The following PCYT1B variants were observed in gnomAD, a reference collection of about 807,000 sequenced individuals.
The protein encoded by PCYT1B is phosphate cytidylyltransferase 1B, choline, also known as choline-phosphate cytidylyltransferase B.
Under a neutral mutation model 26.4 loss-of-function variants are expected in PCYT1B, and 10 were observed. The observed-to-expected ratio is 0.38, with a 90% confidence interval of 0.23 to 0.64. PCYT1B has a LOEUF of 0.64. Ranked by LOEUF, PCYT1B falls within the 30% of genes least tolerant of loss-of-function variation. The pLI, the probability that PCYT1B is intolerant of heterozygous loss-of-function variation, is 0.56. For missense variants in PCYT1B, 161 were observed against 292.7 expected (o/e 0.55, Z 3.28); for synonymous variants, 131 against 108.4 (o/e 1.21, Z -1.29).
intron 3 of PCYT1B, among the ~76,000 whole-genome samples, chrX:24,605,545 G>A (rs112973038): frequency 1.8e-5 from 2 of 112,201 alleles, no homozygotes; most frequent in African/African-American, 3.2e-5. Context: ...AGTTCTCTGA[G>A]GACATAGACA....
chrX:24,579,483 A>G (rs1176254801), intron 5 of PCYT1B, 25 bp from the exon 6 acceptor site: 12 of 1,197,916 alleles, frequency 1.0e-5, no homozygotes, highest in Non-Finnish European at 1.4e-5. Context: ...AAGAGCGGAT[A>G]GAGGAAAAAT....
intron 3 of PCYT1B, among the ~76,000 whole-genome samples, chrX:24,596,062 C>T (rs761044694): frequency 1.8e-5 from 2 of 111,652 alleles, no homozygotes; most frequent in Non-Finnish European, 3.8e-5. Flanking sequence ...TGCCCTCCTG[C>T]GAAGCAGAGG....
At chrX:24,647,384 TAG>T (rs1926666182), upstream of PCYT1B, 2 of 627,965 alleles carry the variant, frequency 3.2e-6, no homozygotes, top group East Asian at 1.3e-4. Context: ...CTCATTTGCA[TAG>T]AGCGCGCTGG....
chrX:24,561,763 A>G lies in PCYT1B; in HGVS notation c.*530T>C, dbSNP rs1923424533. ...AACTGGAAGGAGCTGATGCGTTCCA[A>G]CATCAGGTCTCAGTGGCTGGACTGA... On this transcript the variant is annotated 3_prime_UTR_variant, in exon 8 of 8. Transcript: ENST00000379144. 3.5e-6 allele frequency: 1 copy of G among 285,067 alleles called. No homozygotes were observed. Among genetic ancestry groups the G allele is most frequent in the East Asian group, 6.2e-5 (1 of 16,077 alleles). 23.5% of individuals were successfully genotyped at this position (285,067 alleles called of 1,213,427 possible).
rs1471871105 is a variant in PCYT1B, at chrX:24,568,466, C to T, written c.898-5961G>A. ...GGGGAGAGGGCCTAGGTGGGAAGAT[C>T]GCTTGAGCCTGGGAGTTCAAGGTTG... On this transcript the variant is annotated intron_variant, in intron 7 of 7. Coordinates refer to ENST00000379144, the MANE Select transcript of PCYT1B (RefSeq NM_004845.5). 6.3e-5 allele frequency among the ~76,000 whole-genome samples: 7 copies of T among 111,465 alleles called. No homozygotes were observed. The East Asian group carries it at 2.0e-3, about 32-fold the overall frequency.
rs774021656 is a variant in PCYT1B, at chrX:24,590,059, G to A, written c.450C>T (p.Pro150=). Residue 150 remains proline, a synonymous_variant, in exon 4 of 8, where the codon CCC becomes CCT. Transcript: ENST00000379144. ...RYVDEVIRDA[P]WTLTPEFLEK... The stretch of plus-strand genomic sequence containing the variant: ...CCAGAAACTCTGGCGTGAGTGTCCA[G>A]GGAGCATCTCTGATAACTTCGTCTA... 11 of 1,205,500 alleles carry A rather than the reference G, an allele frequency of 9.1e-6. No individual in the cohort carries two copies. The highest frequency in any genetic ancestry group is 1.1e-5 in the Non-Finnish European group (10 of 892,204).
intron 4 of PCYT1B, among the ~76,000 whole-genome samples, chrX:24,589,526 T>A (rs990921444): frequency 1.8e-5 from 2 of 112,076 alleles, no homozygotes; most frequent in Non-Finnish European, 3.8e-5. Context: ...GGATAAGATG[T>A]GTGTTCATTT....
intron 1 of PCYT1B, among the ~76,000 whole-genome samples, chrX:24,636,391 T>C (rs1926270594): frequency 8.9e-6 from 1 of 112,270 alleles, no homozygotes; most frequent in African/African-American, 3.2e-5. Flanking sequence ...GGCAGGTGGA[T>C]CACCTGAGGT....
chrX:24,582,758 TG>T (rs1386121206), intron 5 of PCYT1B, among the ~76,000 whole-genome samples: 1 of 112,117 alleles, frequency 8.9e-6, no homozygotes, highest in Non-Finnish European at 1.9e-5. Context: ...TTGATATCTC[TG>T]GTTTCATTTA....
chrX:24,611,927 C>T (rs996610211), intron 2 of PCYT1B, among the ~76,000 whole-genome samples: 1 of 108,747 alleles, frequency 9.2e-6, no homozygotes, highest in Non-Finnish European at 1.9e-5. Flanking sequence ...GAGCCGAGAT[C>T]ACACCACTGC....
At chrX:24,630,924 T>C (rs5944660) in intron 1 of PCYT1B, among the ~76,000 whole-genome samples, 55,225 of 109,585 alleles carry the variant, frequency 0.5, 10,483 homozygotes, top group East Asian at 0.69. Flanking sequence ...TTTTTGTTTG[T>C]TTGCTTGTTT....
intron 6 of PCYT1B, among the ~76,000 whole-genome samples, chrX:24,576,488 AG>A (rs1302589649): frequency 9.0e-6 from 1 of 110,659 alleles, no homozygotes; most frequent in Non-Finnish European, 1.9e-5. Flanking sequence ...TATTTTTAGT[AG>A]GGACGGGGTT....
chrX:24,615,289 C>A (rs149254002), intron 2 of PCYT1B, among the ~76,000 whole-genome samples: 1 of 111,001 alleles, frequency 9.0e-6, no homozygotes, highest in Non-Finnish European at 1.9e-5. Flanking sequence ...CTCACTCCCC[C>A]TCTAATGACC....
chrX:24,619,874 C>T (rs1180883636), intron 1 of PCYT1B, among the ~76,000 whole-genome samples: 1 of 111,642 alleles, frequency 9.0e-6, no homozygotes, highest in East Asian at 2.8e-4. Context: ...AGTGGCCCTG[C>T]ATTTTTTAGT....
chrX:24,584,847 G>C (rs937691570), intron 5 of PCYT1B, among the ~76,000 whole-genome samples: 2 of 111,283 alleles, frequency 1.8e-5, no homozygotes, highest in Non-Finnish European at 3.8e-5. Flanking sequence ...TCTAAAACAG[G>C]CTCTTTTTAA....
At chrX:24,610,843 A>G (rs750627274) in intron 2 of PCYT1B, among the ~76,000 whole-genome samples, 13 of 111,461 alleles carry the variant, frequency 1.2e-4, no homozygotes, top group African/African-American at 4.2e-4. Flanking sequence ...AAGGCAAAAA[A>G]GAGAGAGAGA....
intron 5 of PCYT1B, among the ~76,000 whole-genome samples, chrX:24,580,786 A>C (rs1209738705): frequency 1.8e-5 from 2 of 111,643 alleles, no homozygotes; most frequent in Non-Finnish European, 3.8e-5. Flanking sequence ...CAGAGGCATC[A>C]GGCATGGGAC....
chrX:24,661,158 A>G (rs1229566477), intron 1 of PCYT1B, among the ~76,000 whole-genome samples: 4 of 112,438 alleles, frequency 3.6e-5, no homozygotes, highest in Non-Finnish European at 7.5e-5. Context: ...ATGGAAACGT[A>G]TCTAATGTTT....
At chrX:24,610,633 A>T (rs1220087098) in intron 2 of PCYT1B, among the ~76,000 whole-genome samples, 1 of 111,918 alleles carries the variant, frequency 8.9e-6, no homozygotes, top group Non-Finnish European at 1.9e-5. Flanking sequence ...GAGGAAAGAA[A>T]AGTAAAGAAA....
Sources: allele counts gnomAD v4.1 joint callset (sites outside exome capture counted in the v4.1 genomes callset), GRCh38; gene constraint gnomAD v4.1.1; transcripts MANE v1.5; gene names NCBI Gene and HGNC (gene_info 2026-07-23, HGNC 2026-07-21).